SLC25A16: variants seen among roughly 807,000 people sequenced by gnomAD.
SLC25A16 encodes mitochondrial coenzyme A transporter SLC25A16.
A neutral mutation model predicts 41.5 loss-of-function variants in SLC25A16; 39 were observed. The observed-to-expected ratio is 0.94, with a 90% confidence interval of 0.73 to 1.23. The LOEUF is 1.23. Ranked by LOEUF, SLC25A16 falls within the 50% of genes most tolerant of loss-of-function variation. The pLI, the probability that SLC25A16 is intolerant of heterozygous loss-of-function variation, is 0.00. For missense variants in SLC25A16, 421 were observed against 426.9 expected (o/e 0.99, Z 0.12); for synonymous variants, 146 against 147.8 (o/e 0.99, Z 0.09).
At chr10:68,524,526 A>G (rs1350336503) in intron 1 of SLC25A16, among the ~76,000 whole-genome samples, 1 of 146,822 alleles carries the variant, frequency 6.8e-6, no homozygotes, top group African/African-American at 2.5e-5. Flanking sequence ...GGGTGAGAGT[A>G]AGACACCGTC....
At chr10:68,510,896 C>G (rs2053052029) in intron 2 of SLC25A16, among the ~76,000 whole-genome samples, 2 of 152,026 alleles carry the variant, frequency 1.3e-5, no homozygotes, top group South Asian at 4.1e-4. Flanking sequence ...TATCTTATAC[C>G]TACAAAAAGT....
chr10:68,499,078 G>C (rs899885360), intron 4 of SLC25A16, among the ~76,000 whole-genome samples: 5 of 152,082 alleles, frequency 3.3e-5, no homozygotes, highest in Admixed American at 2.0e-4. Flanking sequence ...CTGACCCTCA[G>C]AACAACTGAG....
At position 68,493,549 on chromosome 10, in the gene SLC25A16, GT is replaced by G; in HGVS notation, c.442del (p.Thr148LeufsTer11). On this transcript the variant is annotated frameshift_variant, in exon 5 of 9. Transcript: ENST00000609923. LOFTEE classifies it high-confidence loss of function. ...GACCCTAACCATGTCAAGAGGGTAA[GT>G]ACAGATAACTGCTGTCATACCTGAA... ...SMAGMTAVIC[T>X]YPLDMVRVRL... The G allele has an allele frequency of 6.2e-7, 1 of 1,612,928 alleles. No individual in the cohort carries two copies. Among genetic ancestry groups the G allele is most frequent in the Non-Finnish European group, 8.5e-7 (1 of 1,179,074 alleles).
In SLC25A16 at chr10:68,516,636, G is replaced by A. The variant is rs573129845; in HGVS notation, c.223+115C>T. The A allele has an allele frequency of 4.9e-5, 31 of 633,234 alleles. 1 individual carries two copies. In the South Asian group the frequency reaches 8.0e-4, roughly 16 times the overall value. The allele number at this position is 633,234 out of a possible 1,614,324, so 39.2% of individuals were successfully genotyped here. A position where few individuals can be genotyped will look rare whatever the true frequency, so the allele number is the denominator to read the frequency against. On this transcript the variant is annotated intron_variant, in intron 2 of 8. Transcript: ENST00000609923. The stretch of plus-strand genomic sequence containing the variant: ...TATTCCTAATTAAATGGGGAAAAAA[G>A]TTTTTAAAGAGGAACCTCTACTTTA...
chr10:68,521,839 C>T (rs12244017), intron 1 of SLC25A16, among the ~76,000 whole-genome samples: 1 of 150,972 alleles, frequency 6.6e-6, no homozygotes, highest in Non-Finnish European at 1.5e-5. Context: ...CCTCGTGATC[C>T]GCCCGCCTCG....
intron 8 of SLC25A16, among the ~76,000 whole-genome samples, chr10:68,484,320 G>A (rs2052524713): frequency 6.6e-6 from 1 of 151,922 alleles, no homozygotes; most frequent in Admixed American, 6.6e-5. Context: ...TTTCAGCAAT[G>A]AACACTTTCC....
chr10:68,511,131 G>A (rs573088299), intron 2 of SLC25A16, among the ~76,000 whole-genome samples: 6 of 152,044 alleles, frequency 3.9e-5, no homozygotes, highest in South Asian at 2.1e-4. Flanking sequence ...CCAGCTACTC[G>A]AGAGGCTGAG....
At chr10:68,522,287 G>A (rs2053263037) in intron 1 of SLC25A16, among the ~76,000 whole-genome samples, 2 of 152,118 alleles carry the variant, frequency 1.3e-5, no homozygotes, top group Admixed American at 6.6e-5. Context: ...TATATGACCC[G>A]ATTTATATAA....
chr10:68,491,063 G>A (rs1265928888), intron 6 of SLC25A16, among the ~76,000 whole-genome samples: 1 of 151,836 alleles, frequency 6.6e-6, no homozygotes, highest in African/African-American at 2.4e-5. Context: ...ATTATTTGTA[G>A]AGACAAATTC....
Position 68,483,433 on chromosome 10 carries a change from T to C in SLC25A16, c.998A>G (p.Ter333=), listed in dbSNP as rs1046676512. ...AGAAAAACCAACCATAATTTTTTTTTAGTTGAGGTGAAAAAACTGCTTCAT... is the reference window on the plus strand; with the variant it reads ...AGAAAAACCAACCATAATTTTTTTTCAGTTGAGGTGAAAAAACTGCTTCAT... The part of the protein sequence containing the change: ...ELMKQFFHLN[*] The change falls in exon 9 of 9, where the codon TAA becomes TGA. Residue 333 remains the stop codon, a stop_retained_variant. Coordinates refer to ENST00000609923, the MANE Select transcript of SLC25A16 (RefSeq NM_152707.4). The C allele has an allele frequency of 4.5e-6, 7 of 1,569,702 alleles. No homozygotes were observed. The African/African-American group carries it at 8.2e-5, about 18-fold the overall frequency.
intron 4 of SLC25A16, among the ~76,000 whole-genome samples, chr10:68,494,249 G>A (rs1240307156): frequency 6.6e-6 from 1 of 152,030 alleles, no homozygotes; most frequent in East Asian, 1.9e-4. Context: ...TGGATTATGA[G>A]GTCAAGAGAT....
intron 6 of SLC25A16, 103 bp from the exon 7 acceptor site, chr10:68,488,732 TG>T (rs2052607112): frequency 1.1e-6 from 1 of 933,270 alleles, no homozygotes. Flanking sequence ...TTCTGGTGTT[TG>T]GCTTAATTTA....
intron 4 of SLC25A16, chr10:68,499,768 C>A: frequency 2.5e-6 from 1 of 406,710 alleles, no homozygotes; most frequent in South Asian, 2.5e-5. Context: ...GAAGAAATGT[C>A]ATCTACACTG....
At chr10:68,503,334 A>T (rs2052889930) in intron 4 of SLC25A16, 1 of 230,728 alleles carries the variant, frequency 4.3e-6, no homozygotes. Context: ...TCACATAGTT[A>T]TAAGTTGAGA....
chr10:68,527,261 A>G lies in SLC25A16; in HGVS notation c.115T>C (p.Ser39Pro). 6.5e-7 allele frequency: 1 copy of G among 1,548,198 alleles called. No individual in the cohort carries two copies. Among genetic ancestry groups the G allele is most frequent in the Non-Finnish European group, 8.7e-7 (1 of 1,145,774 alleles). The change falls in exon 1 of 9, where the codon TCC becomes CCC. Residue 39 changes from serine to proline, a missense_variant. Transcript: ENST00000609923. ...ATGGACCCACCTCCGGCCAGAAAGG[A>G]GCGCAGCCAGTAGAAGTCTCTGCGG... The part of the protein sequence containing the change: ...TTRRDFYWLR[S>P]FLAGGIAGCC...
At position 68,503,695 on chromosome 10, in the gene SLC25A16, A is replaced by G; in HGVS notation, c.358T>C (p.Leu120=). ...QFMAFEHYKT[L]ITTKLGISGH... is the part of the protein sequence containing the mutation. ...GAAATTCCCAGCTTCGTAGTAATTA[A>G]CTAGAAAACAAGAACACTGAATTAA... Residue 120 remains leucine (L), a splice_region_variant and synonymous_variant, in exon 4 of 9, where the codon TTA becomes CTA. Transcript: ENST00000609923. 6.3e-7 allele frequency: 1 copy of G among 1,588,994 alleles called. No individual in the cohort carries two copies. The highest frequency in any genetic ancestry group is 8.6e-7 in the Non-Finnish European group (1 of 1,159,502).
At chr10:68,512,836 G>A (rs553397124) in intron 2 of SLC25A16, among the ~76,000 whole-genome samples, 20 of 151,648 alleles carry the variant, frequency 1.3e-4, no homozygotes, top group African/African-American at 4.8e-4. Flanking sequence ...TCAGGAGTTC[G>A]AGACCAGCCT....
intron 2 of SLC25A16, among the ~76,000 whole-genome samples, chr10:68,509,792 T>G (rs568052315): frequency 3.7e-4 from 56 of 149,636 alleles, no homozygotes; most frequent in South Asian, 8.5e-4. Context: ...TAGATAGATA[T>G]ATTTTTTAAA....
At chr10:68,515,069 G>A (rs1483489879) in intron 2 of SLC25A16, among the ~76,000 whole-genome samples, 5 of 147,358 alleles carry the variant, frequency 3.4e-5, no homozygotes, top group Non-Finnish European at 7.5e-5. Flanking sequence ...TTTTAACAAA[G>A]CAAGTGGCCA....
Sources: allele counts gnomAD v4.1 joint callset (sites outside exome capture counted in the v4.1 genomes callset), GRCh38; gene constraint gnomAD v4.1.1; transcripts MANE v1.5; gene names NCBI Gene and HGNC (gene_info 2026-07-23, HGNC 2026-07-21).